The following COL18A1 variants were observed in gnomAD, a reference collection of about 807,000 sequenced individuals.
COL18A1 encodes the protein collagen alpha-1(XVIII) chain.
Under a neutral mutation model 168.0 loss-of-function variants are expected in COL18A1, and 133 were observed. The observed-to-expected ratio is 0.79, with a 90% confidence interval of 0.69 to 0.91. COL18A1 has a LOEUF of 0.91. Among genes scored for constraint, COL18A1 ranks in the 40% least tolerant of loss-of-function variants. COL18A1 has a pLI of 0.00. For synonymous variants in COL18A1, 949 were observed against 809.0 expected, an observed-to-expected ratio of 1.17 and a Z score of -2.94; for missense variants, 2,126 against 1,925.4, an observed-to-expected ratio of 1.10 and a Z score of -1.95.
At chr21:45,493,940 T>G in intron 26 of COL18A1, 2 of 313,312 alleles carry the variant, frequency 6.4e-6, no homozygotes, top group Non-Finnish European at 1.2e-5. Flanking sequence ...CTCCAGCCTC[T>G]TCCTGGGGGC....
rs2033786831 is a variant in COL18A1, at chr21:45,425,983, ACTC to A, written c.106+20514_106+20516del. The stretch of plus-strand genomic sequence containing the variant: ...AGAACCCAGGAAGGGGCTGAGTGTG[ACTC>A]CTCTGGTTTTTAGAGAGCACTGCCC... On this transcript the variant is annotated intron_variant, in intron 2 of 41. Coordinates refer to ENST00000651438, the MANE Select transcript of COL18A1 (RefSeq NM_001379500.1). The surrounding 1 kb of genome is among the most constrained non-coding windows in gnomAD (Gnocchi z 4.1). Among the ~76,000 whole-genome samples the A allele has an allele frequency of 6.6e-6, 1 of 151,560 alleles. No homozygotes were observed. The highest frequency in any genetic ancestry group is 2.4e-5 in the African/African-American group (1 of 41,232).
intron 2 of COL18A1, among the ~76,000 whole-genome samples, chr21:45,437,630 ACACT>A (rs148376572): frequency 0.014 from 952 of 67,474 alleles, 74 homozygotes; most frequent in African/African-American, 0.021. Flanking sequence ...TCCTGCACAC[ACACT>A]CACACAGGCA....
chr21:45,406,444 G>A (rs2123488227), intron 2 of COL18A1, among the ~76,000 whole-genome samples: 1 of 152,374 alleles, frequency 6.6e-6, no homozygotes, highest in South Asian at 2.1e-4. Context: ...TTAAATAGTA[G>A]CATAGACCTT....
Position 45,512,944 on chromosome 21 carries a change from G to A in COL18A1, c.*546G>A. On this transcript the variant is annotated 3_prime_UTR_variant, in exon 42 of 42. Transcript: ENST00000651438. ...GCTCAGGTCCCTGGGGCTAGGGGGAGCCCCTTCTGCTCAGCTCTGGGCCAT... is the reference window on the plus strand; with the variant it reads ...GCTCAGGTCCCTGGGGCTAGGGGGAACCCCTTCTGCTCAGCTCTGGGCCAT... The A allele has an allele frequency of 5.4e-6, 1 of 185,774 alleles. No individual in the cohort carries two copies. The highest frequency in any genetic ancestry group is 1.1e-5 in the Non-Finnish European group (1 of 87,050). 11.5% of individuals were successfully genotyped at this position (185,774 alleles called of 1,614,324 possible).
chr21:45,442,724 C>A (rs1468917376), intron 2 of COL18A1, among the ~76,000 whole-genome samples: 8 of 86,534 alleles, frequency 9.2e-5, no homozygotes, highest in African/African-American at 6.3e-4. Context: ...GTGTGGGCGG[C>A]GGTCCTGGTG....
chr21:45,419,343 G>A (rs569323625), intron 2 of COL18A1, among the ~76,000 whole-genome samples: 16 of 152,256 alleles, frequency 1.1e-4, no homozygotes, highest in Admixed American at 2.0e-4. Flanking sequence ...GATGCTGTGT[G>A]TAGTGATGCG....
intron 2 of COL18A1, among the ~76,000 whole-genome samples, chr21:45,440,753 G>A (rs1318751192): frequency 6.6e-6 from 1 of 152,198 alleles, no homozygotes; most frequent in Non-Finnish European, 1.5e-5. Flanking sequence ...GTCACACCCT[G>A]GCTGCACGTG....
intron 2 of COL18A1, among the ~76,000 whole-genome samples, chr21:45,448,738 C>T (rs76462700): frequency 0.02 from 2,990 of 152,336 alleles, 97 homozygotes; most frequent in African/African-American, 0.067. Flanking sequence ...TCTTCAGATG[C>T]GCTCCATAAT....
intron 2 of COL18A1, chr21:45,421,022 G>A (rs146587311): frequency 6.6e-5 from 13 of 196,812 alleles, no homozygotes; most frequent in East Asian, 4.3e-4. Flanking sequence ...CCACTCACCC[G>A]TGTCTGCTCC....
chr21:45,423,509 G>A lies in COL18A1; in HGVS notation c.106+18036G>A, dbSNP rs1393207825. ...CCCGCCCCCCGCCCCCCGCCCCCCG[G>A]AGGGCCCGGCTCCAAGGGTCATATG... On this transcript the variant is annotated intron_variant, in intron 2 of 41. Coordinates refer to ENST00000651438, the MANE Select transcript of COL18A1 (RefSeq NM_001379500.1). This position sits in a 1 kb window ranked among gnomAD's most constrained non-coding sequence, Gnocchi z 4.0. Among the ~76,000 whole-genome samples the A allele has an allele frequency of 6.9e-6, 1 of 144,470 alleles. No individual in the cohort carries two copies. The highest frequency in any genetic ancestry group is 1.5e-5 in the Non-Finnish European group (1 of 65,552). The allele number at this position is 144,470 out of a possible 152,430, so 94.8% of individuals were successfully genotyped here.
chr21:45,458,328 C>T (rs2034916629), intron 2 of COL18A1, among the ~76,000 whole-genome samples: 1 of 150,810 alleles, frequency 6.6e-6, no homozygotes, highest in African/African-American at 2.4e-5. Context: ...CGGCTGTTGG[C>T]ATCTCGTAGG....
intron 2 of COL18A1, among the ~76,000 whole-genome samples, chr21:45,431,733 C>T (rs969614496): frequency 1.1e-4 from 16 of 152,086 alleles, no homozygotes; most frequent in African/African-American, 3.6e-4. Context: ...CTGCGGCTCT[C>T]GGTGTCTGCC....
chr21:45,474,271 C>CT (rs1431719694), intron 4 of COL18A1, among the ~76,000 whole-genome samples: 1 of 148,340 alleles, frequency 6.7e-6, no homozygotes. Flanking sequence ...GTGTCTGTGT[C>CT]TGTGTGGTGT....
chr21:45,502,635 G>A (rs2036926769), intron 32 of COL18A1: 1 of 152,186 alleles, frequency 6.6e-6, no homozygotes, highest in African/African-American at 2.4e-5. Flanking sequence ...CGGGACTGAG[G>A]AAAAGGAGAG....
At position 45,437,688 on chromosome 21, in the gene COL18A1, GCACA is replaced by G. The variant is rs777364868; in HGVS notation, c.107-30540_107-30537del. ...CACTCAGACACACAGGCACTCTCCT[GCACA>G]CACACACACACACTCAGACACACAG... On this transcript the variant is annotated intron_variant, in intron 2 of 41. Coordinates refer to ENST00000651438, the MANE Select transcript of COL18A1 (RefSeq NM_001379500.1). 5.5e-3 allele frequency among the ~76,000 whole-genome samples: 179 copies of G among 32,684 alleles called. 8 individuals are homozygous for G. Among genetic ancestry groups the G allele is most frequent in the African/African-American group, 7.8e-3 (39 of 5,030 alleles). The allele number at this position is 32,684 out of a possible 152,430, so 21.4% of individuals were successfully genotyped here. A position where few individuals can be genotyped will look rare whatever the true frequency, so the allele number is the denominator to read the frequency against.
intron 2 of COL18A1, among the ~76,000 whole-genome samples, chr21:45,467,945 C>A (rs546996938): frequency 6.6e-6 from 1 of 152,332 alleles, no homozygotes; most frequent in East Asian, 1.9e-4. Context: ...CTGCTCAAAG[C>A]ATGGAAGGGG....
Position 45,505,428 on chromosome 21 carries a change from A to G in COL18A1, c.3084A>G (p.Ser1028=). Residue 1028 remains serine, a synonymous_variant, in exon 36 of 42, where the codon TCA becomes TCG. Transcript: ENST00000651438. ...PGPPGTMGAS[S]GVRLWATRQA... is the part of the protein sequence containing the mutation. The stretch of plus-strand genomic sequence containing the variant: ...CCCCTGGAACCATGGGCGCCTCCTC[A>G]GGGGTAAGTGTCTGGGCAGCCGGCT... 1.3e-6 allele frequency: 2 copies of G among 1,539,206 alleles called. No individual in the cohort carries two copies. Among genetic ancestry groups the G allele is most frequent in the South Asian group, 1.1e-5 (1 of 87,306 alleles).
At chr21:45,406,766 C>T (rs1291868324) in intron 2 of COL18A1, among the ~76,000 whole-genome samples, 3 of 152,220 alleles carry the variant, frequency 2.0e-5, no homozygotes, top group Non-Finnish European at 4.4e-5. Context: ...GCTTATGAAA[C>T]GTTATCAAGG....
At chr21:45,486,628 C>T (rs117570275) in intron 15 of COL18A1, among the ~76,000 whole-genome samples, 3,045 of 152,360 alleles carry the variant, frequency 0.02, 45 homozygotes, top group Non-Finnish European at 0.032. Flanking sequence ...GGGCCCAACC[C>T]CGACCAAGTT....
Sources: allele counts gnomAD v4.1 joint callset (sites outside exome capture counted in the v4.1 genomes callset), GRCh38; gene constraint gnomAD v4.1.1; non-coding constraint Gnocchi (gnomAD v3.1); transcripts MANE v1.5; gene names NCBI Gene and HGNC (gene_info 2026-07-23, HGNC 2026-07-21).